The following CA11 variants were observed in gnomAD, a reference collection of about 807,000 sequenced individuals.
CA11 encodes the protein carbonic anhydrase-related protein 11.
CA11 carries 20 observed loss-of-function variants against 39.3 expected under a neutral mutation model. The observed-to-expected ratio is 0.51, with a 90% CI of 0.36 to 0.74. CA11 has a LOEUF of 0.74. CA11 is among the 30% of genes least tolerant of loss of function. The pLI, the probability that CA11 is intolerant of heterozygous loss-of-function variation, is 0.00. For synonymous variants in CA11, 166 were observed against 172.5 expected (o/e 0.96, Z 0.29); for missense variants, 336 against 424.6 (o/e 0.79, Z 1.83).
intron 8 of CA11, 169 bp from the exon 9 acceptor site, chr19:48,638,313 T>C (rs1220851921): frequency 3.8e-6 from 4 of 1,044,772 alleles, no homozygotes; most frequent in Middle Eastern, 4.5e-4. Flanking sequence ...AAGAAGCCAA[T>C]AGGAGGGGGG....
Position 48,645,605 on chromosome 19 carries a change from G to C in CA11, c.28C>G (p.Pro10Ala). Reference sequence around the variant, plus strand: ...GCAGCCCAGAGTACCAGCGCTCGAGGGGCGCTCAGACGAGCTGCAGCCCCC... The same window carrying C: ...GCAGCCCAGAGTACCAGCGCTCGAGCGGCGCTCAGACGAGCTGCAGCCCCC... MGAAARLSA[P>A]RALVLWAALG... Residue 10 changes from proline (P) to alanine (A), a missense_variant, in exon 1 of 9, where the codon CCT becomes GCT. Transcript: ENST00000084798. 6.2e-7 allele frequency: 1 copy of C among 1,601,786 alleles called. No individual in the cohort carries two copies. Among genetic ancestry groups the C allele is most frequent in the Admixed American group, 1.7e-5 (1 of 58,558 alleles).
chr19:48,645,902 T>A lies in CA11; in HGVS notation c.-270A>T. 1 of 493,408 alleles carries A rather than the reference T, an allele frequency of 2.0e-6. No homozygotes were observed. Among genetic ancestry groups the A allele is most frequent in the South Asian group, 3.5e-5 (1 of 28,276 alleles). 30.6% of individuals were successfully genotyped at this position (493,408 alleles called of 1,614,324 possible). On this transcript the variant is annotated 5_prime_UTR_variant, in exon 1 of 9. Transcript: ENST00000084798. ...CCAGTCTCCCTCTAGCTCCTGATCT[T>A]CCTACTCCTCTCAGCCTTCTGCTGC...
chr19:48,644,378 C>T, intron 3 of CA11, 49 bp downstream of exon 3: 2 of 1,495,308 alleles, frequency 1.3e-6, no homozygotes, highest in East Asian at 2.3e-5. Flanking sequence ...AGCCTCTATT[C>T]ATGCCCATCC....
At chr19:48,638,167 A>C in intron 8 of CA11, 23 bp from the exon 9 acceptor site, 1 of 1,138,162 alleles carries the variant, frequency 8.8e-7, no homozygotes, top group South Asian at 2.5e-5. Flanking sequence ...GAACAACGGC[A>C]GGGGGCGTCA....
At chr19:48,645,364 C>T (rs758849958) in intron 2 of CA11, 39 bp downstream of exon 2, 35 of 1,541,820 alleles carry the variant, frequency 2.3e-5, no homozygotes, top group Non-Finnish European at 2.9e-5. Flanking sequence ...AAGGAGGCGC[C>T]GGGAGGGCCG....
At chr19:48,638,377 G>GC in intron 8 of CA11, 1 of 276,384 alleles carries the variant, frequency 3.6e-6, no homozygotes, top group Non-Finnish European at 4.5e-6. Context: ...GTCTTCATGG[G>GC]GGGGGGGGGG....
intron 2 of CA11, 140 bp downstream of exon 2, chr19:48,645,262 TG>T: frequency 1.5e-6 from 1 of 685,244 alleles, no homozygotes; most frequent in Non-Finnish European, 2.5e-6. Flanking sequence ...GTTCAGAAGC[TG>T]GCCCGACTCC....
chr19:48,644,316 G>T, intron 3 of CA11, 111 bp downstream of exon 3: 2 of 985,058 alleles, frequency 2.0e-6, no homozygotes, highest in Non-Finnish European at 2.9e-6. Context: ...CCACCCACTG[G>T]GTGTCCCCTC....
chr19:48,642,551 C>T (rs2031120738), intron 3 of CA11, among the ~76,000 whole-genome samples: 1 of 151,948 alleles, frequency 6.6e-6, no homozygotes, highest in East Asian at 1.9e-4. Context: ...AACACATTTG[C>T]CAGAATGCCA....
chr19:48,646,053 C>A lies in CA11; in HGVS notation c.-421G>T. On this transcript the variant is annotated 5_prime_UTR_variant, in exon 1 of 9. Coordinates refer to ENST00000084798, the MANE Select transcript of CA11 (RefSeq NM_001217.5). ...CCTCCTCCTCCTCCCTCTCTCCTTT[C>A]CAGCTCCTGCCTCTTCTCCCCTCTC... 2.7e-6 allele frequency: 1 copy of A among 371,692 alleles called. No homozygotes were observed. The highest frequency in any genetic ancestry group is 4.8e-6 in the Non-Finnish European group (1 of 208,260). 23.0% of individuals were successfully genotyped at this position (371,692 alleles called of 1,614,324 possible).
At chr19:48,644,720 G>A in intron 2 of CA11, 151 bp from the exon 3 acceptor site, 1 of 527,316 alleles carries the variant, frequency 1.9e-6, no homozygotes, top group Non-Finnish European at 3.1e-6. Flanking sequence ...AGGGAGGACT[G>A]GGCTCAGATC....
rs2031160309 is a variant in CA11 at position 48,643,726 on chromosome 19, T to C, written c.285+701A>G. On this transcript the variant is annotated intron_variant, in intron 3 of 8. Coordinates refer to ENST00000084798, the MANE Select transcript of CA11 (RefSeq NM_001217.5). This position sits in a 1 kb window ranked among gnomAD's most constrained non-coding sequence, Gnocchi z 4.3. ...GCTTGGTTTGAATGCCAGTGCTGGC[T>C]CTCTGTGTGATCCTAGGCAAGTAAC... Among the ~76,000 whole-genome samples, 1 of 152,034 alleles carries C rather than the reference T, an allele frequency of 6.6e-6. No homozygotes were observed. Among genetic ancestry groups the C allele is most frequent in the African/African-American group, 2.4e-5 (1 of 41,386 alleles).
At chr19:48,639,916 C>T in intron 4 of CA11, 33 bp from the exon 5 acceptor site, 1 of 1,589,992 alleles carries the variant, frequency 6.3e-7, no homozygotes, top group Non-Finnish European at 8.6e-7. Context: ...GGTCCCCCAG[C>T]AGAAGGGGAG....
At chr19:48,640,654 G>C (rs1423722806) in intron 3 of CA11, among the ~76,000 whole-genome samples, 1 of 141,066 alleles carries the variant, frequency 7.1e-6, no homozygotes, top group African/African-American at 2.6e-5. Flanking sequence ...GATTACAGGC[G>C]TGAGCCACCG....
At chr19:48,641,823 C>CTTTTTTTTT (rs71179023) in intron 3 of CA11, among the ~76,000 whole-genome samples, 5 of 92,288 alleles carry the variant, frequency 5.4e-5, no homozygotes, top group Admixed American at 1.2e-4. Flanking sequence ...TTTCAATTTT[C>CTTTTTTTTT]TTTTTTTTTT....
intron 8 of CA11, 160 bp from the exon 9 acceptor site, chr19:48,638,304 A>G: frequency 9.1e-7 from 1 of 1,095,902 alleles, no homozygotes; most frequent in Non-Finnish European, 1.1e-6. Flanking sequence ...CTGAACCACA[A>G]GAAGCCAATA....
chr19:48,645,719 T>A lies in CA11; in HGVS notation c.-87A>T. 1 of 1,094,434 alleles carries A rather than the reference T, an allele frequency of 9.1e-7. No individual in the cohort carries two copies. Among genetic ancestry groups the A allele is most frequent in the Non-Finnish European group, 1.3e-6 (1 of 799,660 alleles). 67.8% of individuals were successfully genotyped at this position (1,094,434 alleles called of 1,614,324 possible). A position where few individuals can be genotyped will look rare whatever the true frequency, so the allele number is the denominator to read the frequency against. On this transcript the variant is annotated 5_prime_UTR_variant, in exon 1 of 9. Transcript: ENST00000084798. ...TCCCCTCCTTCTGGGACCCTGTCCC[T>A]CCAGGACTTCCAGCTTTCCTCTCCT... is the stretch of plus-strand genomic sequence containing the variant.
At position 48,640,257 on chromosome 19, in the gene CA11, G is replaced by C; in HGVS notation, c.309C>G (p.Thr103=). 3 of 1,613,864 alleles carry C rather than the reference G, an allele frequency of 1.9e-6. No individual in the cohort carries two copies. Among genetic ancestry groups the C allele is most frequent in the Non-Finnish European group, 2.5e-6 (3 of 1,179,990 alleles). The part of the protein sequence containing the change: ...GEKLRGTLYN[T]GRHVSFLPAP... ...CAGGCAGGAAGGAGACATGTCGGCC[G>C]GTGTTGTACAAGGTTCCCCGGAGCT... is the stretch of plus-strand genomic sequence containing the variant. The change falls in exon 4 of 9, where the codon ACC becomes ACG. Residue 103 remains threonine, a synonymous_variant. Transcript: ENST00000084798.
At chr19:48,640,013 G>A (rs1054993619) in intron 4 of CA11, 82 bp downstream of exon 4, 3 of 1,521,300 alleles carry the variant, frequency 2.0e-6, no homozygotes, top group African/African-American at 2.7e-5. Flanking sequence ...GGAGGATGGG[G>A]TGAGACACTA....
Sources: allele counts gnomAD v4.1 joint callset (sites outside exome capture counted in the v4.1 genomes callset), GRCh38; gene constraint gnomAD v4.1.1; non-coding constraint Gnocchi (gnomAD v3.1); transcripts MANE v1.5; gene names NCBI Gene and HGNC (gene_info 2026-07-23, HGNC 2026-07-21).